Variants in MAST4 observed in about 807,000 individuals in gnomAD.
The protein encoded by MAST4 is microtubule-associated serine/threonine-protein kinase 4.
MAST4 carries 89 observed loss-of-function variants against 162.7 expected under a neutral mutation model. That is an observed-to-expected ratio of 0.55 (90% CI 0.46 to 0.65). MAST4 has a LOEUF of 0.65. Ranked by LOEUF, MAST4 falls within the 30% of genes least tolerant of loss-of-function variation. The probability of loss-of-function intolerance (pLI) is 0.00; values close to 1 mark genes in which losing one functional copy is unlikely to be tolerated. For missense variants in MAST4, 3,153 were observed against 3,374.0 expected (o/e 0.93, Z 1.62); for synonymous variants, 1,479 against 1,361.1 (o/e 1.09, Z -1.91).
intron 21 of MAST4, among the ~76,000 whole-genome samples, chr5:67,144,276 A>G (rs1251036479): frequency 6.6e-6 from 1 of 152,032 alleles, no homozygotes; most frequent in African/African-American, 2.4e-5. Context: ...TGGCCATTAA[A>G]TCTGTTTCTC....
chr5:66,765,510 G>A lies in MAST4; in HGVS notation c.517+5648G>A, dbSNP rs189925893. 1.4e-3 allele frequency among the ~76,000 whole-genome samples: 207 copies of A among 151,666 alleles called. 1 individual carries two copies. Among genetic ancestry groups the A allele is most frequent in the African/African-American group, 4.9e-3 (202 of 41,312 alleles). ...TCGTATCAATATTTATGTTTTTTCC[G>A]AATATTTTTGATCCACAGTTCGTTG... On this transcript the variant is annotated intron_variant, in intron 2 of 28. Coordinates refer to ENST00000403625, the MANE Select transcript of MAST4 (RefSeq NM_001164664.2).
At chr5:66,934,176 A>G (rs1485144420) in intron 4 of MAST4, among the ~76,000 whole-genome samples, 2 of 148,510 alleles carry the variant, frequency 1.3e-5, no homozygotes, top group Non-Finnish European at 3.0e-5. Context: ...CACCCTTTAC[A>G]ATGTGAATAT....
chr5:67,026,249 C>T (rs922751687), intron 4 of MAST4, among the ~76,000 whole-genome samples: 1 of 152,158 alleles, frequency 6.6e-6, no homozygotes, highest in Non-Finnish European at 1.5e-5. Context: ...CTACCACCTT[C>T]GATGCTACAT....
intron 3 of MAST4, among the ~76,000 whole-genome samples, chr5:66,829,061 G>A (rs1757420529): frequency 6.6e-6 from 1 of 152,212 alleles, no homozygotes; most frequent in South Asian, 2.1e-4. Context: ...GTTCAGTGAG[G>A]AAGCTGCTTT....
At chr5:66,905,525 T>C (rs1763300393) in intron 4 of MAST4, among the ~76,000 whole-genome samples, 1 of 152,178 alleles carries the variant, frequency 6.6e-6, no homozygotes, top group Non-Finnish European at 1.5e-5. Flanking sequence ...TTCCTCATTA[T>C]AGAGTTTGTC....
intron 4 of MAST4, among the ~76,000 whole-genome samples, chr5:67,017,893 G>T (rs706703): frequency 6.6e-6 from 1 of 151,788 alleles, no homozygotes; most frequent in Non-Finnish European, 1.5e-5. Flanking sequence ...CACCGCACCC[G>T]GCCAAGTATT....
chr5:66,715,461 T>C (rs1027672803), intron 1 of MAST4, among the ~76,000 whole-genome samples: 7 of 146,604 alleles, frequency 4.8e-5, no homozygotes, highest in African/African-American at 1.8e-4. Flanking sequence ...CATCAACTTA[T>C]TTACATGAAC....
At chr5:66,927,199 T>A (rs908324792) in intron 4 of MAST4, among the ~76,000 whole-genome samples, 1 of 152,174 alleles carries the variant, frequency 6.6e-6, no homozygotes, top group African/African-American at 2.4e-5. Context: ...GAAAGAGAGA[T>A]GTTATGGAAG....
chr5:66,943,020 C>A (rs964814826), intron 4 of MAST4, among the ~76,000 whole-genome samples: 5 of 151,906 alleles, frequency 3.3e-5, no homozygotes, highest in Non-Finnish European at 5.9e-5. Context: ...CTCTTTGGGG[C>A]CTCTTTTATA....
intron 3 of MAST4, among the ~76,000 whole-genome samples, chr5:66,864,590 T>A (rs539612056): frequency 6.6e-6 from 1 of 152,162 alleles, no homozygotes; most frequent in South Asian, 2.1e-4. Flanking sequence ...AAGAGAGATA[T>A]GAGGCTATTG....
At chr5:66,996,013 C>T (rs1750599957) in intron 4 of MAST4, among the ~76,000 whole-genome samples, 1 of 152,146 alleles carries the variant, frequency 6.6e-6, no homozygotes, top group Non-Finnish European at 1.5e-5. Context: ...CATGGTGGCT[C>T]ACGCCTATAA....
At chr5:66,613,083 T>G (rs144624919) in intron 1 of MAST4, among the ~76,000 whole-genome samples, 1 of 152,286 alleles carries the variant, frequency 6.6e-6, no homozygotes, top group African/African-American at 2.4e-5. Context: ...TTACAATTAA[T>G]ATATTTATAT....
intron 4 of MAST4, among the ~76,000 whole-genome samples, chr5:66,996,522 A>G (rs1750679236): frequency 1.3e-5 from 2 of 152,216 alleles, no homozygotes; most frequent in South Asian, 2.1e-4. Context: ...TTATTCTCTT[A>G]GAATTTTAAA....
intron 3 of MAST4, among the ~76,000 whole-genome samples, chr5:66,874,191 T>A (rs1052299019): frequency 6.6e-6 from 1 of 152,200 alleles, no homozygotes; most frequent in East Asian, 1.9e-4. Context: ...TCACCTGTAC[T>A]GTCCCTCAGT....
chr5:67,078,919 T>TATATA lies in MAST4; in HGVS notation c.764-11242_764-11238dup, dbSNP rs1561622121. ...TTATATATTTTTATATAAATATATA[T>TATATA]ATATATATATATATATATATATATA... On this transcript the variant is annotated intron_variant, in intron 5 of 28. Coordinates refer to ENST00000403625, the MANE Select transcript of MAST4 (RefSeq NM_001164664.2). 9.0e-3 allele frequency among the ~76,000 whole-genome samples: 595 copies of TATATA among 65,866 alleles called. 23 individuals carry two copies. The highest frequency in any genetic ancestry group is 0.015 in the East Asian group (41 of 2,758). The allele number at this position is 65,866 out of a possible 152,430, so 43.2% of individuals were successfully genotyped here.
intron 4 of MAST4, chr5:67,004,903 TA>T: frequency 1.5e-6 from 1 of 687,008 alleles, no homozygotes; most frequent in Non-Finnish European, 2.7e-6. Context: ...ATTTTTTTTT[TA>T]TTTTTGGCCT....
chr5:66,607,285 C>T (rs986496687), intron 1 of MAST4, among the ~76,000 whole-genome samples: 1 of 152,136 alleles, frequency 6.6e-6, no homozygotes, highest in African/African-American at 2.4e-5. Context: ...TTAGATTAAG[C>T]GTCTGTAGAA....
chr5:66,722,195 C>T (rs867927946), intron 1 of MAST4, among the ~76,000 whole-genome samples: 8 of 152,074 alleles, frequency 5.3e-5, no homozygotes, highest in East Asian at 1.9e-4. Flanking sequence ...TGACTTGGCC[C>T]GTTACTCCTT....
At chr5:66,713,001 C>T (rs1230568207) in intron 1 of MAST4, among the ~76,000 whole-genome samples, 2 of 152,120 alleles carry the variant, frequency 1.3e-5, no homozygotes, top group Non-Finnish European at 2.9e-5. Context: ...AATGTTTGTC[C>T]CTGATGTACT....
Sources: gnomAD v4.1 joint callset for allele counts (sites outside exome capture counted in the v4.1 genomes callset) on GRCh38, gnomAD v4.1.1 for gene constraint, MANE v1.5 for transcripts, NCBI Gene and HGNC (gene_info 2026-07-23, HGNC 2026-07-21) for gene names.